The following PLEKHG1 variants were observed in gnomAD, a reference collection of about 807,000 sequenced individuals.
The protein encoded by PLEKHG1 is pleckstrin homology domain-containing family G member 1.
A neutral mutation model predicts 100.8 loss-of-function variants in PLEKHG1; 44 were observed. The ratio of observed to expected loss-of-function variants is 0.44; its 90% CI spans 0.34 to 0.56. The LOEUF (loss-of-function observed/expected upper bound fraction) is 0.56. Among genes scored for constraint, PLEKHG1 ranks in the 20% least tolerant of loss-of-function variants. The pLI is 0.01. For missense variants in PLEKHG1, 1,545 were observed against 1,720.9 expected (o/e 0.90, Z 1.81); for synonymous variants, 640 against 662.5 (o/e 0.97, Z 0.52).
At chr6:150,792,310 T>C (rs1786030872) in intron 4 of PLEKHG1, among the ~76,000 whole-genome samples, 1 of 149,614 alleles carries the variant, frequency 6.7e-6, no homozygotes, top group Non-Finnish European at 1.5e-5. Flanking sequence ...TGAGCTGAGA[T>C]TGCACCACTG....
chr6:150,636,830 T>G (rs1778024715), intron 1 of PLEKHG1, among the ~76,000 whole-genome samples: 1 of 152,200 alleles, frequency 6.6e-6, no homozygotes, highest in Admixed American at 6.5e-5. Context: ...AACTTATTCC[T>G]CAAGTACAGT....
intron 3 of PLEKHG1, among the ~76,000 whole-genome samples, chr6:150,782,074 G>A (rs1189097408): frequency 6.6e-6 from 1 of 151,360 alleles, no homozygotes; most frequent in Admixed American, 6.6e-5. Flanking sequence ...CACCATGCCC[G>A]GCCTTAAAAG....
intron 3 of PLEKHG1, among the ~76,000 whole-genome samples, chr6:150,711,090 G>A (rs1259774908): frequency 6.6e-6 from 1 of 152,194 alleles, no homozygotes; most frequent in African/African-American, 2.4e-5. Flanking sequence ...CCCAGAGGAT[G>A]TTCTCCAAAA....
rs575024160 is a variant in PLEKHG1 at position 150,707,065 on chromosome 6, C to G, written c.-98-26519C>G. Among the ~76,000 whole-genome samples, 26 of 133,056 alleles carry G rather than the reference C, an allele frequency of 2.0e-4. No homozygotes were observed. The South Asian group carries it at 4.4e-3, about 23-fold the overall frequency. 87.3% of individuals were successfully genotyped at this position (133,056 alleles called of 152,430 possible). Reference sequence around the variant, plus strand: ...GTCACCCAGGGCTGGAGTGCAGTGGCACAATCTCGGCTACCTGCAACCTCT... The same window carrying G: ...GTCACCCAGGGCTGGAGTGCAGTGGGACAATCTCGGCTACCTGCAACCTCT... On this transcript the variant is annotated intron_variant, in intron 3 of 3. Transcript: ENST00000367326.
chr6:150,828,268 G>A, intron 14 of PLEKHG1: 1 of 1,613,284 alleles, frequency 6.2e-7, no homozygotes, highest in South Asian at 1.1e-5. Context: ...GTCTGAATCT[G>A]GAGCAATTAC....
intron 1 of PLEKHG1, among the ~76,000 whole-genome samples, chr6:150,603,852 C>G (rs534685061): frequency 6.6e-6 from 1 of 152,184 alleles, no homozygotes. Flanking sequence ...CCCCTCCCTT[C>G]GTGGTCCTAG....
chr6:150,664,829 T>C (rs1045131832), intron 3 of PLEKHG1, among the ~76,000 whole-genome samples: 5 of 152,114 alleles, frequency 3.3e-5, no homozygotes, highest in Admixed American at 2.6e-4. Context: ...CATCGCAGAA[T>C]TGGGGGAGAT....
chr6:150,804,190 T>A (rs1786898765), intron 6 of PLEKHG1, among the ~76,000 whole-genome samples: 2 of 96,968 alleles, frequency 2.1e-5, no homozygotes, highest in East Asian at 3.6e-4. Flanking sequence ...TTTTTTTTTT[T>A]TTTTTTTTTT....
chr6:150,753,624 C>T (rs1019028151), intron 2 of PLEKHG1, among the ~76,000 whole-genome samples: 1 of 152,168 alleles, frequency 6.6e-6, no homozygotes, highest in Non-Finnish European at 1.5e-5. Context: ...CTCGTAAATG[C>T]TGTTCCAAAT....
chr6:150,816,906 C>T (rs961141193), intron 10 of PLEKHG1, among the ~76,000 whole-genome samples: 6 of 152,276 alleles, frequency 3.9e-5, no homozygotes, highest in African/African-American at 1.4e-4. Flanking sequence ...CTAGATCCCT[C>T]GCATGCATAA....
intron 14 of PLEKHG1, among the ~76,000 whole-genome samples, chr6:150,826,414 T>C (rs1052056279): frequency 2.6e-5 from 4 of 152,160 alleles, no homozygotes; most frequent in Non-Finnish European, 5.9e-5. Flanking sequence ...GCCGAGATTG[T>C]GCCACTGTAC....
At chr6:150,699,606 G>A (rs1780685885) in intron 3 of PLEKHG1, among the ~76,000 whole-genome samples, 1 of 152,190 alleles carries the variant, frequency 6.6e-6, no homozygotes, top group Non-Finnish European at 1.5e-5. Context: ...AACAAGCGAT[G>A]TTCTATGAGC....
chr6:150,746,676 T>G (rs1783180387), intron 2 of PLEKHG1, among the ~76,000 whole-genome samples: 1 of 152,276 alleles, frequency 6.6e-6, no homozygotes, highest in South Asian at 2.1e-4. Context: ...TTTGGTCAAA[T>G]ATTCTTGCAT....
At position 150,840,528 on chromosome 6, in the gene PLEKHG1, C is replaced by T; in HGVS notation, c.3790C>T (p.Gln1264Ter). Residue 1264 changes from glutamine to a stop codon, truncating the protein, a stop_gained, in exon 16 of 16, where the codon CAG becomes TAG. Transcript: ENST00000358517. LOFTEE classifies it low-confidence loss of function (END_TRUNC). ...ACCCTTAAATGCCCAAATTGCAACACAGAATTATTTTTCCAATTTCAAAGA... is the reference window on the plus strand; with the variant it reads ...ACCCTTAAATGCCCAAATTGCAACATAGAATTATTTTTCCAATTTCAAAGA... 1.9e-6 allele frequency: 3 copies of T among 1,614,056 alleles called. No individual in the cohort carries two copies. The highest frequency in any genetic ancestry group is 2.5e-6 in the Non-Finnish European group (3 of 1,179,940).
intron 10 of PLEKHG1, among the ~76,000 whole-genome samples, chr6:150,816,639 A>T (rs1406128485): frequency 6.6e-6 from 1 of 152,108 alleles, no homozygotes; most frequent in Admixed American, 6.6e-5. Flanking sequence ...CATACTTTTA[A>T]GGCCACCAGA....
exon 2 of PLEKHG1, chr6:150,734,061 C>T (rs1373534522): frequency 6.2e-7 from 1 of 1,613,228 alleles, no homozygotes; most frequent in Non-Finnish European, 8.5e-7. Context: ...ACCGAAAGGA[C>T]TTATGTACAA....
At chr6:150,797,040 G>A (rs998650442) in intron 5 of PLEKHG1, among the ~76,000 whole-genome samples, 1 of 152,002 alleles carries the variant, frequency 6.6e-6, no homozygotes, top group Non-Finnish European at 1.5e-5. Context: ...ACCCAGGCTG[G>A]AGTGCAGTGG....
In PLEKHG1 at chr6:150,831,879, C is replaced by G. The variant is rs767380654; in HGVS notation, c.2768C>G (p.Ser923Cys). The G allele has an allele frequency of 6.2e-7, 1 of 1,613,948 alleles. No individual in the cohort carries two copies. The highest frequency in any genetic ancestry group is 8.5e-7 in the Non-Finnish European group (1 of 1,179,890). Residue 923 changes from serine (S) to cysteine (C), a missense_variant, in exon 15 of 16, where the codon TCT (serine) becomes TGT (cysteine). By Grantham distance (112) the Ser-to-Cys change is moderately radical. Transcript: ENST00000358517. This position sits in a 1 kb window ranked among gnomAD's most constrained non-coding sequence, Gnocchi z 4.1. ...TGCCCCTTTGAGGAAGACCTGATTT[C>G]TAAAGAAGGCTCCTTTATGAGCCTT...
chr6:150,749,503 G>A (rs924451982), intron 2 of PLEKHG1, among the ~76,000 whole-genome samples: 1 of 152,022 alleles, frequency 6.6e-6, no homozygotes, highest in Non-Finnish European at 1.5e-5. Flanking sequence ...TTTTCCCCTA[G>A]CAGAAATATA....
Sources: allele counts gnomAD v4.1 joint callset (sites outside exome capture counted in the v4.1 genomes callset), GRCh38; gene constraint gnomAD v4.1.1; non-coding constraint Gnocchi (gnomAD v3.1); transcripts MANE v1.5; gene names NCBI Gene and HGNC (gene_info 2026-07-23, HGNC 2026-07-21).